LYST: variants seen among roughly 807,000 people sequenced by gnomAD.
LYST encodes lysosomal-trafficking regulator.
LYST carries 192 observed loss-of-function variants against 413.6 expected under a neutral mutation model. That is an observed-to-expected ratio of 0.46 (90% CI 0.41 to 0.52). LYST has a LOEUF of 0.52. Ranked by LOEUF, LYST falls within the 20% of genes least tolerant of loss-of-function variation. The pLI is 0.00. For synonymous variants in LYST, 1,525 were observed against 1,567.3 expected (o/e 0.97, Z 0.64); for missense variants, 3,815 against 4,499.9 (o/e 0.85, Z 4.35).
chr1:235,670,986 A>G (rs1658894277), intron 50 of LYST, among the ~76,000 whole-genome samples: 1 of 152,254 alleles, frequency 6.6e-6, no homozygotes, highest in Non-Finnish European at 1.5e-5. Flanking sequence ...ATGTTAAAAT[A>G]TTGGAAAGAT....
intron 1 of LYST, among the ~76,000 whole-genome samples, chr1:235,875,959 C>T (rs1681114120): frequency 6.6e-6 from 1 of 152,116 alleles, no homozygotes; most frequent in Admixed American, 6.5e-5. Flanking sequence ...GTGACTCGTG[C>T]TTGTAATCCC....
In LYST at chr1:235,661,328, TA is replaced by T. The variant is rs1013451972; in HGVS notation, c.*1611del. ...AAGATGAGTAGCAACCCTATTCTAA[TA>T]GGGGACTAATTTAAAGTTCTCAGTA... is the stretch of plus-strand genomic sequence containing the variant. On this transcript the variant is annotated 3_prime_UTR_variant, in exon 53 of 53. Transcript: ENST00000389793. 9.8e-5 allele frequency: 15 copies of T among 152,754 alleles called. No homozygotes were observed. Among genetic ancestry groups the T allele is most frequent in the African/African-American group, 3.4e-4 (14 of 41,584 alleles). 9.5% of individuals were successfully genotyped at this position (152,754 alleles called of 1,614,324 possible). A position where few individuals can be genotyped will look rare whatever the true frequency, so the allele number is the denominator to read the frequency against.
Position 235,709,192 on chromosome 1 carries a change from C to G in LYST, c.10042G>C (p.Asp3348His). The change falls in exon 44 of 53, where the codon GAC becomes CAC. Residue 3348 changes from aspartate to histidine, a missense_variant. By Grantham distance (81) the Asp-to-His change is moderately conservative. This residue lies in a region of LYST where 866 missense variants were observed against 1,156.0 expected (regional missense o/e 0.75). Coordinates refer to ENST00000389793, the MANE Select transcript of LYST (RefSeq NM_000081.4). ...ILIHRQALES[D>H]YVSQNICQWI... ...TGACAGATGTTCTGCGACACGTAGTCAGACTCTAGAGCCTGCCGATGGATG... is the reference window on the plus strand; with the variant it reads ...TGACAGATGTTCTGCGACACGTAGTGAGACTCTAGAGCCTGCCGATGGATG... 6.2e-7 allele frequency: 1 copy of G among 1,614,132 alleles called. No individual in the cohort carries two copies. Among genetic ancestry groups the G allele is most frequent in the Non-Finnish European group, 8.5e-7 (1 of 1,180,006 alleles).
upstream of LYST, among the ~76,000 whole-genome samples, chr1:235,869,953 A>G (rs13376455): frequency 0.011 from 1,724 of 152,082 alleles, 44 homozygotes; most frequent in African/African-American, 0.038. Context: ...TGTTTTCTCC[A>G]CATGGCTGCA....
At position 235,809,131 on chromosome 1, in the gene LYST, G is replaced by T; in HGVS notation, c.1687C>A (p.Gln563Lys). The T allele has an allele frequency of 6.2e-7, 1 of 1,614,104 alleles. No individual in the cohort carries two copies. The highest frequency in any genetic ancestry group is 2.2e-5 in the East Asian group (1 of 44,870). ...CAHQCLRLLQ[Q>K]ASLSSTCVQI... ...ACACAAGTGCTGCTCAAGGAAGCCT[G>T]CTGTAGTAAGCGCAAGCACTGATGG... The change falls in exon 5 of 53, where the codon CAG becomes AAG. Residue 563 changes from glutamine (Q) to lysine (K), a missense_variant. Physicochemically the swap from Gln to Lys is moderately conservative, Grantham distance 53. This residue lies in a region of LYST where 1,648 missense variants were observed against 1,810.3 expected (regional missense o/e 0.91). Transcript: ENST00000389793. This position sits in a 1 kb window ranked among gnomAD's most constrained non-coding sequence, Gnocchi z 4.0.
rs148101450 is a variant in LYST at position 235,695,629 on chromosome 1, A to ATTTT, written c.10564+1450_10564+1453dup. On this transcript the variant is annotated intron_variant, in intron 46 of 52. Coordinates refer to ENST00000389793, the MANE Select transcript of LYST (RefSeq NM_000081.4). The stretch of plus-strand genomic sequence containing the variant: ...CAGAGAGAAACTTTACAGTACTCTA[A>ATTTT]TTTTTTTTTTTTTTTTTTTTTGAGA... Among the ~76,000 whole-genome samples, 387 of 116,388 alleles carry ATTTT rather than the reference A, an allele frequency of 3.3e-3. 17 individuals are homozygous for ATTTT. Among genetic ancestry groups the ATTTT allele is most frequent in the African/African-American group, 0.012 (347 of 29,514 alleles). The allele number at this position is 116,388 out of a possible 152,430, so 76.4% of individuals were successfully genotyped here. A position where few individuals can be genotyped will look rare whatever the true frequency, so the allele number is the denominator to read the frequency against.
At chr1:235,856,660 T>C (rs909361267) in intron 1 of LYST, among the ~76,000 whole-genome samples, 2 of 152,316 alleles carry the variant, frequency 1.3e-5, no homozygotes, top group South Asian at 2.1e-4. Context: ...AGAAAATAAA[T>C]ATATTTCAGT....
chr1:235,794,319 T>C (rs762508428), intron 10 of LYST, among the ~76,000 whole-genome samples: 4 of 152,348 alleles, frequency 2.6e-5, no homozygotes, highest in Admixed American at 6.5e-5. Context: ...AGATGACAAG[T>C]AGTGGAAATA....
At chr1:235,663,133 G>T in intron 52 of LYST, 55 bp from the exon 53 acceptor site, 1 of 1,237,856 alleles carries the variant, frequency 8.1e-7, no homozygotes, top group Non-Finnish European at 1.2e-6. Flanking sequence ...AAGTGTATTA[G>T]CATATTGGTC....
chr1:235,786,266 G>GA (rs938901503), intron 14 of LYST, among the ~76,000 whole-genome samples: 2 of 151,472 alleles, frequency 1.3e-5, no homozygotes, highest in East Asian at 1.9e-4. Flanking sequence ...TGACCAATAG[G>GA]AAAAAAAAGT....
At position 235,806,053 on chromosome 1, in the gene LYST, G is replaced by C. The variant is rs150636017; in HGVS notation, c.3083C>G (p.Ser1028Cys). ...VNENQDLNRISQPKRTMKEDL... is the reference protein window; with the variant it reads ...VNENQDLNRICQPKRTMKEDL... ...TTCCTTCATAGTTCTCTTAGGTTGAGAAATTCTGTTTAAATCCTGGTTTTC... is the reference window on the plus strand; with the variant it reads ...TTCCTTCATAGTTCTCTTAGGTTGACAAATTCTGTTTAAATCCTGGTTTTC... The change falls in exon 6 of 53, where the codon TCT (serine) becomes TGT (cysteine). Residue 1028 changes from serine to cysteine, a missense_variant. Ser to Cys is a moderately radical substitution (Grantham distance 112). This residue lies in a region of LYST where 1,648 missense variants were observed against 1,810.3 expected (regional missense o/e 0.91). Coordinates refer to ENST00000389793, the MANE Select transcript of LYST (RefSeq NM_000081.4). 8.9e-4 allele frequency: 1,434 copies of C among 1,613,822 alleles called. No individual in the cohort carries two copies. Among genetic ancestry groups the C allele is most frequent in the Non-Finnish European group, 1.1e-3 (1,352 of 1,179,896 alleles).
intron 3 of LYST, among the ~76,000 whole-genome samples, chr1:235,821,381 G>A (rs1461639403): frequency 6.6e-6 from 1 of 152,174 alleles, no homozygotes; most frequent in African/African-American, 2.4e-5. Flanking sequence ...AGGTTGCAGA[G>A]GGCTGAGATT....
rs1306424708 is a variant in LYST at position 235,689,044 on chromosome 1, C to CAAT, written c.10702-1998_10702-1997insATT. On this transcript the variant is annotated intron_variant, in intron 47 of 52. Coordinates refer to ENST00000389793, the MANE Select transcript of LYST (RefSeq NM_000081.4). ...ATAATAATAACAACAACAACAACAA[C>CAAT]AACAATAATATCCTAGCTGAATTTT... 7.5e-3 allele frequency among the ~76,000 whole-genome samples: 1,091 copies of CAAT among 144,592 alleles called. 8 individuals are homozygous for CAAT. Among genetic ancestry groups the CAAT allele is most frequent in the African/African-American group, 0.028 (1,040 of 37,156 alleles). 94.9% of individuals were successfully genotyped at this position (144,592 alleles called of 152,430 possible). A position where few individuals can be genotyped will look rare whatever the true frequency, so the allele number is the denominator to read the frequency against.
chr1:235,695,281 G>A (rs1328183258), intron 46 of LYST, among the ~76,000 whole-genome samples: 1 of 152,242 alleles, frequency 6.6e-6, no homozygotes, highest in African/African-American at 2.4e-5. Context: ...TCAAAAGCCA[G>A]GATTTGCAAA....
In LYST at chr1:235,725,291, G is replaced by A. The variant is rs1336422957; in HGVS notation, c.9163-1111C>T. ...TCTACTAAAAATACAAAAATTAGTC[G>A]GGAGTGATGGCAGGCACCTGTAGTT... On this transcript the variant is annotated intron_variant, in intron 38 of 52. Transcript: ENST00000389793. Among the ~76,000 whole-genome samples the A allele has an allele frequency of 4.0e-5, 6 of 151,874 alleles. No individual in the cohort carries two copies. In the South Asian group the frequency reaches 8.3e-4, roughly 21 times the overall value.
Position 235,755,489 on chromosome 1 carries a change from G to A in LYST, c.7218C>T (p.Gly2406=), listed in dbSNP as rs772826541. 6 of 1,613,002 alleles carry A rather than the reference G, an allele frequency of 3.7e-6. No individual in the cohort carries two copies. Among genetic ancestry groups the A allele is most frequent in the Non-Finnish European group, 4.2e-6 (5 of 1,179,162 alleles). ...AAGAACACACTTACTCTTCATCAAG[G>A]CCAATATGTCGACCAAAGAACATTT... ...FIEMFFGRHI[G]LDEEFDLEDV... Residue 2406 remains glycine (G), a synonymous_variant, in exon 25 of 53, where the codon GGC becomes GGT. Coordinates refer to ENST00000389793, the MANE Select transcript of LYST (RefSeq NM_000081.4).
At chr1:235,863,254 T>A (rs1680113619) in intron 1 of LYST, among the ~76,000 whole-genome samples, 1 of 151,690 alleles carries the variant, frequency 6.6e-6, no homozygotes, top group Non-Finnish European at 1.5e-5. Context: ...CAGCCGGGTG[T>A]GGTGGCACAC....
chr1:235,710,193 T>C (rs1305841152), intron 43 of LYST, among the ~76,000 whole-genome samples: 2 of 152,144 alleles, frequency 1.3e-5, no homozygotes, highest in Non-Finnish European at 2.9e-5. Context: ...ACCAAAATAC[T>C]TGGGAAGTAT....
rs78003821 is a variant in LYST at position 235,806,876 on chromosome 1, T to G, written c.2364-104A>C. On this transcript the variant is annotated intron_variant, in intron 5 of 52. Coordinates refer to ENST00000389793, the MANE Select transcript of LYST (RefSeq NM_000081.4). Reference sequence around the variant, plus strand: ...TATCGCTATTGCATGTGGGATATACTAACCACTACCTAATTTTATTCATCA... The same window carrying G: ...TATCGCTATTGCATGTGGGATATACGAACCACTACCTAATTTTATTCATCA... 6,643 of 755,316 alleles carry G rather than the reference T, an allele frequency of 8.8e-3. 273 individuals carry two copies. The African/African-American group carries it at 0.1, about 12-fold the overall frequency. 46.8% of individuals were successfully genotyped at this position (755,316 alleles called of 1,614,324 possible). A position where few individuals can be genotyped will look rare whatever the true frequency, so the allele number is the denominator to read the frequency against.
Sources: gnomAD v4.1 joint callset for allele counts (sites outside exome capture counted in the v4.1 genomes callset) on GRCh38, gnomAD v4.1.1 for gene constraint, gnomAD v4.1.1 regional missense constraint, Gnocchi (gnomAD v3.1) non-coding constraint, MANE v1.5 for transcripts, NCBI Gene and HGNC (gene_info 2026-07-23, HGNC 2026-07-21) for gene names.